Variants in SUPT6H observed in about 807,000 individuals in gnomAD.
SUPT6H encodes the protein transcription elongation factor SPT6.
Under a neutral mutation model 222.3 loss-of-function variants are expected in SUPT6H, and 11 were observed. That is an observed-to-expected ratio of 0.05 (90% CI 0.03 to 0.08). The LOEUF (loss-of-function observed/expected upper bound fraction) is 0.08. Ranked by LOEUF, SUPT6H falls within the 10% of genes least tolerant of loss-of-function variation. The probability of loss-of-function intolerance (pLI) is 1.00; values close to 1 mark genes in which losing one functional copy is unlikely to be tolerated. For missense variants in SUPT6H, 1,422 were observed against 2,216.0 expected (o/e 0.64, Z 7.19); for synonymous variants, 762 against 801.2 (o/e 0.95, Z 0.83).
intron 23 of SUPT6H, 148 bp from the exon 24 acceptor site, chr17:28,687,940 TTTA>T (rs2151643762): frequency 4.7e-6 from 4 of 849,942 alleles, no homozygotes; most frequent in Admixed American, 3.7e-5. Context: ...TTTTTTTTTT[TTTA>T]ATTTTGAGTG....
At position 28,683,836 on chromosome 17, in the gene SUPT6H, A is replaced by ATTTT. The variant is rs201577643; in HGVS notation, c.2229+33_2229+36dup. ...ATAAAGGTGAGGACAGAGACTCATG[A>ATTTT]TTTTTTTTTTTTTTTTGGTGACAGA... On this transcript the variant is annotated intron_variant, in intron 17 of 36. Transcript: ENST00000314616. 2.8e-6 allele frequency: 4 copies of ATTTT among 1,415,694 alleles called. No homozygotes were observed. The highest frequency in any genetic ancestry group is 3.8e-6 in the Non-Finnish European group (4 of 1,061,022). The allele number at this position is 1,415,694 out of a possible 1,614,324, so 87.7% of individuals were successfully genotyped here.
chr17:28,673,370 G>T lies in SUPT6H; in HGVS notation c.-31-1G>T. The T allele has an allele frequency of 1.9e-6, 3 of 1,548,240 alleles. No individual in the cohort carries two copies. The highest frequency in any genetic ancestry group is 2.7e-6 in the Non-Finnish European group (3 of 1,120,920). ...TATCCTTCACTCTTTTCTTTCCCTA[G>T]TTATCTTCAGGCAGAGTGAGAAGCT... On this transcript the variant is annotated splice_acceptor_variant, in intron 1 of 36. Transcript: ENST00000314616. LOFTEE classifies it low-confidence loss of function (5UTR_SPLICE).
intron 11 of SUPT6H, 79 bp from the exon 12 acceptor site, chr17:28,681,177 G>A: frequency 6.5e-7 from 1 of 1,531,884 alleles, no homozygotes; most frequent in East Asian, 2.3e-5. Context: ...TGCCTTTTGG[G>A]AATTGGACCT....
Position 28,662,252 on chromosome 17 carries a change from G to T in SUPT6H, c.-122G>T. The T allele has an allele frequency of 5.1e-6, 1 of 195,592 alleles. No individual in the cohort carries two copies. The highest frequency in any genetic ancestry group is 1.1e-5 in the Non-Finnish European group (1 of 91,916). The allele number at this position is 195,592 out of a possible 1,614,324, so 12.1% of individuals were successfully genotyped here. A position where few individuals can be genotyped will look rare whatever the true frequency, so the allele number is the denominator to read the frequency against. On this transcript the variant is annotated 5_prime_UTR_variant, in exon 1 of 37. Transcript: ENST00000314616. ...TGGCGGCGGAGGGGCCGTGCGGTGG[G>T]TCCGTACTATCTTTTCCCAGTCTCG...
At chr17:28,698,895 C>A (rs973052595) in intron 32 of SUPT6H, among the ~76,000 whole-genome samples, 2 of 151,892 alleles carry the variant, frequency 1.3e-5, no homozygotes, top group African/African-American at 4.8e-5. Flanking sequence ...GCAGCCAGGG[C>A]TAAGTGGGGC....
At position 28,683,398 on chromosome 17, in the gene SUPT6H, G is replaced by C. The variant is rs1359135296; in HGVS notation, c.2009G>C (p.Ser670Thr). ...GAAGGGCTCCTCACCACTGACATCAGCATAGATTTGAAGGGAGTGGAAGGG... is the reference window on the plus strand; with the variant it reads ...GAAGGGCTCCTCACCACTGACATCACCATAGATTTGAAGGGAGTGGAAGGG... ...EDEGLLTTDISIDLKGVEGYG... is the reference protein window; with the variant it reads ...EDEGLLTTDITIDLKGVEGYG... The change falls in exon 16 of 37, where the codon AGC (serine) becomes ACC (threonine). Residue 670 changes from serine (S) to threonine (T), a missense_variant. Physicochemically the swap from Ser to Thr is moderately conservative, Grantham distance 58. Transcript: ENST00000314616. The C allele has an allele frequency of 2.5e-6, 4 of 1,614,038 alleles. No individual in the cohort carries two copies. In the African/African-American group the frequency reaches 5.3e-5, roughly 22 times the overall value.
At chr17:28,666,733 G>GT (rs1254352528) in intron 1 of SUPT6H, among the ~76,000 whole-genome samples, 1 of 151,868 alleles carries the variant, frequency 6.6e-6, no homozygotes, top group Non-Finnish European at 1.5e-5. Flanking sequence ...TGTATTTTTA[G>GT]TGGAGACAGG....
At position 28,699,785 on chromosome 17, in the gene SUPT6H, G is replaced by C; in HGVS notation, c.4453G>C (p.Glu1485Gln). 6.2e-7 allele frequency: 1 copy of C among 1,614,060 alleles called. No individual in the cohort carries two copies. Among genetic ancestry groups the C allele is most frequent in the Non-Finnish European group, 8.5e-7 (1 of 1,179,898 alleles). The change falls in exon 33 of 37, where the codon GAA (glutamate) becomes CAA (glutamine). Residue 1485 changes from glutamate (E) to glutamine (Q), a missense_variant. Glu to Gln is a conservative substitution (Grantham distance 29, BLOSUM62 2). Coordinates refer to ENST00000314616, the MANE Select transcript of SUPT6H (RefSeq NM_003170.5). The part of the protein sequence containing the change: ...GYQPRGKPRI[E>Q]YVTVTPEGFR... ...TGTTTCCTTCTAAAATCCTAGGATA[G>C]AATATGTAACGGTGACTCCAGAGGG... is the stretch of plus-strand genomic sequence containing the variant.
chr17:28,675,566 A>G (rs1269101459), intron 6 of SUPT6H, 81 bp downstream of exon 6: 2 of 1,443,562 alleles, frequency 1.4e-6, no homozygotes, highest in Non-Finnish European at 1.9e-6. Flanking sequence ...GGCCTTTGCC[A>G]AAAATGGGGC....
intron 29 of SUPT6H, 92 bp downstream of exon 29, chr17:28,695,639 T>G: frequency 1.4e-6 from 2 of 1,412,530 alleles, no homozygotes; most frequent in Non-Finnish European, 1.9e-6. Flanking sequence ...TGTGTCAGTC[T>G]CCCAGTGGAA....
At chr17:28,693,673 T>C in intron 27 of SUPT6H, 23 bp from the exon 28 acceptor site, 1 of 1,613,966 alleles carries the variant, frequency 6.2e-7, no homozygotes, top group Non-Finnish European at 8.5e-7. Context: ...ATAATCAAGC[T>C]CTTCTCCTCA....
intron 32 of SUPT6H, 109 bp downstream of exon 32, chr17:28,698,139 CCT>C (rs2032000580): frequency 7.1e-7 from 1 of 1,406,076 alleles, no homozygotes; most frequent in Admixed American, 2.6e-5. Context: ...CTGCCTTTCT[CCT>C]CTCATCTGTT....
intron 33 of SUPT6H, 84 bp from the exon 34 acceptor site, chr17:28,700,082 TCTACCTA>T (rs2032071002): frequency 6.4e-7 from 1 of 1,573,390 alleles, no homozygotes; most frequent in Non-Finnish European, 8.7e-7. Flanking sequence ...CCTTCCTCCC[TCTACCTA>T]CTTCAGTGCC....
At chr17:28,698,168 G>T in intron 32 of SUPT6H, 138 bp downstream of exon 32, 2 of 1,243,930 alleles carry the variant, frequency 1.6e-6, no homozygotes, top group Non-Finnish European at 1.1e-6. Context: ...AGAGGTGGAG[G>T]TTGGAGGTGG....
At position 28,674,527 on chromosome 17, in the gene SUPT6H, G is replaced by A; in HGVS notation, c.269-10G>A. On this transcript the variant is annotated splice_polypyrimidine_tract_variant and intron_variant, in intron 3 of 36. Transcript: ENST00000314616. ...ACCCCATCACCATGGGCAACACTTT[G>A]TTTCTTCAGCCTCTTTTGATGACCG... 4 of 1,614,216 alleles carry A rather than the reference G, an allele frequency of 2.5e-6. 1 individual carries two copies. In the South Asian group the frequency reaches 4.4e-5, roughly 18 times the overall value.
At position 28,682,804 on chromosome 17, in the gene SUPT6H, A is replaced by C; in HGVS notation, c.1675A>C (p.Thr559Pro). 1.2e-6 allele frequency: 2 copies of C among 1,614,124 alleles called. No homozygotes were observed. The highest frequency in any genetic ancestry group is 1.7e-6 in the Non-Finnish European group (2 of 1,180,008). The change falls in exon 14 of 37, where the codon ACA becomes CCA. Residue 559 changes from threonine (T) to proline (P), a missense_variant. Coordinates refer to ENST00000314616, the MANE Select transcript of SUPT6H (RefSeq NM_003170.5). Reference protein sequence around the residue: ...NLRDSYQRHETEQFPAEPLEL... With the variant: ...NLRDSYQRHEPEQFPAEPLEL... ...GCGGGATAGCTACCAGCGGCACGAGACAGAGCAGTTTCCCGCGGAGCCCTT... is the reference window on the plus strand; with the variant it reads ...GCGGGATAGCTACCAGCGGCACGAGCCAGAGCAGTTTCCCGCGGAGCCCTT...
At chr17:28,674,677 T>A in intron 4 of SUPT6H, 64 bp downstream of exon 4, 1 of 1,508,032 alleles carries the variant, frequency 6.6e-7, no homozygotes, top group South Asian at 1.1e-5. Context: ...AATTTCAATG[T>A]CTGTGGGTGA....
chr17:28,686,468 T>A, intron 20 of SUPT6H, 53 bp downstream of exon 20: 1 of 1,590,544 alleles, frequency 6.3e-7, no homozygotes, highest in South Asian at 1.1e-5. Context: ...AACTCATCCC[T>A]TATTATTGAG....
chr17:28,689,384 T>C lies in SUPT6H; in HGVS notation c.3165T>C (p.Gly1055=). The C allele has an allele frequency of 6.2e-7, 1 of 1,614,224 alleles. No homozygotes were observed. Among genetic ancestry groups the C allele is most frequent in the South Asian group, 1.1e-5 (1 of 91,082 alleles). ...STDSYIEVLD[G]SRVHPETYEW... is the part of the protein sequence containing the mutation. ...ACTCATATATTGAAGTCCTTGATGG[T>C]TCCCGTGTCCACCCTGAGACTTATG... Residue 1055 remains glycine (G), a synonymous_variant, in exon 25 of 37, where the codon GGT becomes GGC. Coordinates refer to ENST00000314616, the MANE Select transcript of SUPT6H (RefSeq NM_003170.5).
Sources: gnomAD v4.1 joint callset for allele counts (sites outside exome capture counted in the v4.1 genomes callset) on GRCh38, gnomAD v4.1.1 for gene constraint, MANE v1.5 for transcripts, NCBI Gene and HGNC (gene_info 2026-07-23, HGNC 2026-07-21) for gene names.